The following B4GALNT3 variants were observed in gnomAD, a reference collection of about 807,000 sequenced individuals.
B4GALNT3 encodes the protein beta-1,4-N-acetyl-galactosaminyltransferase 3.
In B4GALNT3, 86 loss-of-function variants were observed where a neutral mutation model predicts 120.2. That is an observed-to-expected ratio of 0.72 (90% CI 0.60 to 0.86). The LOEUF (loss-of-function observed/expected upper bound fraction) is 0.86, where lower values mean the gene tolerates loss of function less well. Ranked by LOEUF, B4GALNT3 falls within the 40% of genes least tolerant of loss-of-function variation. The probability of loss-of-function intolerance (pLI) is 0.00; values close to 1 mark genes in which losing one functional copy is unlikely to be tolerated. For missense variants in B4GALNT3, 1,167 were observed against 1,298.9 expected, an observed-to-expected ratio of 0.90 and a Z score of 1.56; for synonymous variants, 518 against 510.4, an observed-to-expected ratio of 1.01 and a Z score of -0.20.
At position 521,620 on chromosome 12, in the gene B4GALNT3, C is replaced by G. The variant is rs996775298; in HGVS notation, c.170-13546C>G. 6.6e-5 allele frequency among the ~76,000 whole-genome samples: 10 copies of G among 152,228 alleles called. 1 individual carries two copies. Among genetic ancestry groups the G allele is most frequent in the African/African-American group, 2.4e-4 (10 of 41,456 alleles). On this transcript the variant is annotated intron_variant, in intron 1 of 19. Transcript: ENST00000266383. ...TAGTTCCTGGGCCGTCACTGAGTGA[C>G]ATGGTCCTGCCACACAATCCCGGTA...
chr12:541,368 C>T (rs1358731128), intron 3 of B4GALNT3, among the ~76,000 whole-genome samples: 1 of 152,248 alleles, frequency 6.6e-6, no homozygotes, highest in South Asian at 2.1e-4. Context: ...AGTTTCAAAA[C>T]CACCATTGGC....
At chr12:512,779 C>G (rs1592033807) in intron 1 of B4GALNT3, among the ~76,000 whole-genome samples, 1 of 149,430 alleles carries the variant, frequency 6.7e-6, no homozygotes, top group African/African-American at 2.5e-5. Context: ...CGCCTTCTGC[C>G]TTCCTTCCAC....
chr12:501,672 G>A (rs1398353652), intron 1 of B4GALNT3, among the ~76,000 whole-genome samples: 1 of 152,182 alleles, frequency 6.6e-6, no homozygotes, highest in African/African-American at 2.4e-5. Flanking sequence ...AAAAGTCGGT[G>A]GTGCCCAGTT....
intron 16 of B4GALNT3, 53 bp downstream of exon 16, chr12:557,814 C>T: frequency 6.4e-7 from 1 of 1,559,206 alleles, no homozygotes; most frequent in Non-Finnish European, 8.7e-7. Context: ...ATCCTAAAGT[C>T]CTAGGGCTGC....
chr12:498,097 G>A (rs1382904268), intron 1 of B4GALNT3, among the ~76,000 whole-genome samples: 6 of 152,012 alleles, frequency 3.9e-5, no homozygotes, highest in Non-Finnish European at 8.8e-5. Context: ...TCACTGCCCT[G>A]TCGGTTGCGA....
chr12:511,196 T>C (rs984951180), intron 1 of B4GALNT3, among the ~76,000 whole-genome samples: 3 of 109,964 alleles, frequency 2.7e-5, no homozygotes, highest in Non-Finnish European at 6.9e-5. Context: ...GCTCGGCTAA[T>C]TTTTGTTTTT....
rs138791810 is a variant in B4GALNT3 at position 553,845 on chromosome 12, G to A, written c.1922G>A (p.Arg641Gln). Reference protein sequence around the residue: ...VVNWDQTFSARNLDFQALRTD... With the variant: ...VVNWDQTFSAQNLDFQALRTD... ...AACTGGGACCAGACCTTCAGTGCCC[G>A]GAATCTCGACTTCCAAGCCCTGAGG... Residue 641 changes from arginine (R) to glutamine (Q), a missense_variant, in exon 14 of 20, where the codon CGG (arginine) becomes CAG (glutamine). Arg to Gln is a conservative substitution (Grantham distance 43, BLOSUM62 1). This residue lies in a region of B4GALNT3 where 983 missense variants were observed against 1,102.5 expected (regional missense o/e 0.89). Transcript: ENST00000266383. The A allele has an allele frequency of 4.9e-4, 785 of 1,614,186 alleles. 1 individual carries two copies. In the African/African-American group the frequency reaches 5.8e-3, roughly 12 times the overall value.
intron 1 of B4GALNT3, among the ~76,000 whole-genome samples, chr12:504,449 GCC>G (rs145084413): frequency 7.5e-6 from 1 of 133,464 alleles, no homozygotes; most frequent in Non-Finnish European, 1.6e-5. Context: ...CCCCGCAGCC[GCC>G]CCCCCGCCCC....
chr12:504,454 C>G (rs1201857633), intron 1 of B4GALNT3, among the ~76,000 whole-genome samples: 1 of 151,768 alleles, frequency 6.6e-6, no homozygotes, highest in Admixed American at 6.6e-5. Flanking sequence ...CAGCCGCCCC[C>G]CCGCCCCCGA....
At chr12:555,966 G>T (rs1265791193) in intron 14 of B4GALNT3, among the ~76,000 whole-genome samples, 2 of 151,496 alleles carry the variant, frequency 1.3e-5, no homozygotes, top group African/African-American at 4.9e-5. Context: ...TATATTTTTA[G>T]TAGAGACAGG....
intron 3 of B4GALNT3, among the ~76,000 whole-genome samples, chr12:541,851 A>ACCC (rs1362289154): frequency 2.3e-4 from 13 of 56,844 alleles, no homozygotes; most frequent in African/African-American, 8.2e-4. Context: ...ACCCCCCCCC[A>ACCC]CCCCCCCCCA....
At chr12:539,063 C>T (rs190166120) in intron 3 of B4GALNT3, among the ~76,000 whole-genome samples, 12 of 152,260 alleles carry the variant, frequency 7.9e-5, no homozygotes, top group African/African-American at 2.4e-4. Flanking sequence ...AGAAAGATGA[C>T]GATGGCCTCC....
chr12:520,153 A>G (rs369552421), intron 1 of B4GALNT3, among the ~76,000 whole-genome samples: 14 of 152,198 alleles, frequency 9.2e-5, no homozygotes, highest in African/African-American at 1.7e-4. Context: ...AAGACAGGAC[A>G]TGGGATAGAG....
chr12:536,484 A>C lies in B4GALNT3; in HGVS notation c.351+189A>C, dbSNP rs573162050. ...AAACTTTCTACTAGTGAATTAAAAA[A>C]ATTTTTAAATTATTTATTCAGTTAG... On this transcript the variant is annotated intron_variant, in intron 3 of 19. Coordinates refer to ENST00000266383, the MANE Select transcript of B4GALNT3 (RefSeq NM_173593.4). Among the ~76,000 whole-genome samples, 5 of 152,224 alleles carry C rather than the reference A, an allele frequency of 3.3e-5. No homozygotes were observed. The East Asian group carries it at 9.6e-4, about 29-fold the overall frequency.
intron 1 of B4GALNT3, among the ~76,000 whole-genome samples, chr12:520,645 G>GCTCAGTAGT (rs1395325944): frequency 3.3e-5 from 5 of 152,220 alleles, no homozygotes; most frequent in East Asian, 3.9e-4. Context: ...TTATGGGATT[G>GCTCAGTAGT]TGACTAATAG....
chr12:545,779 G>A (rs1437966351), intron 6 of B4GALNT3, among the ~76,000 whole-genome samples: 2 of 127,086 alleles, frequency 1.6e-5, no homozygotes, highest in African/African-American at 6.7e-5. Flanking sequence ...GAGAGGAGTG[G>A]GGAGGTAAGA....
Position 553,277 on chromosome 12 carries a change from A to G in B4GALNT3, c.1354A>G (p.Met452Val), listed in dbSNP as rs1947105642. ...TPASNNQNARMLEGRQTPAST... is the reference protein window; with the variant it reads ...TPASNNQNARVLEGRQTPAST... ...TGCCTCCAACAACCAGAATGCCAGG[A>G]TGCTTGAGGGAAGACAGACACCTGC... The change falls in exon 14 of 20, where the codon ATG becomes GTG. Residue 452 changes from methionine (M) to valine (V), a missense_variant. Physicochemically the swap from Met to Val is conservative, Grantham distance 21. Around this residue, in one of 3 missense-constraint regions of B4GALNT3, gnomAD observed 983 missense variants for 1,102.5 expected, o/e 0.89. Coordinates refer to ENST00000266383, the MANE Select transcript of B4GALNT3 (RefSeq NM_173593.4). 6.2e-7 allele frequency: 1 copy of G among 1,613,596 alleles called. No homozygotes were observed. The highest frequency in any genetic ancestry group is 8.5e-7 in the Non-Finnish European group (1 of 1,180,026).
chr12:467,901 C>G (rs572898457), intron 1 of B4GALNT3, among the ~76,000 whole-genome samples: 1 of 152,250 alleles, frequency 6.6e-6, no homozygotes, highest in African/African-American at 2.4e-5. Flanking sequence ...CTATTGGTCA[C>G]GTAAGTTGCA....
intron 1 of B4GALNT3, among the ~76,000 whole-genome samples, chr12:474,297 G>A (rs1307004010): frequency 6.6e-6 from 1 of 152,126 alleles, no homozygotes; most frequent in Non-Finnish European, 1.5e-5. Flanking sequence ...ATGGGGGGAT[G>A]GGGGATGTCC....
Sources: allele counts gnomAD v4.1 joint callset (sites outside exome capture counted in the v4.1 genomes callset), GRCh38; gene constraint gnomAD v4.1.1; regional missense constraint gnomAD v4.1.1; transcripts MANE v1.5; gene names NCBI Gene and HGNC (gene_info 2026-07-23, HGNC 2026-07-21).